The following MYO18B variants were observed in gnomAD, a reference collection of about 807,000 sequenced individuals.
MYO18B encodes unconventional myosin-XVIIIb.
In MYO18B, 204 loss-of-function variants were observed where a neutral mutation model predicts 273.0. That is an observed-to-expected ratio of 0.75 (90% CI 0.67 to 0.84). The LOEUF (loss-of-function observed/expected upper bound fraction) is 0.84, where lower values mean the gene tolerates loss of function less well. MYO18B is among the 40% of genes least tolerant of loss of function. MYO18B has a pLI of 0.00. For synonymous variants in MYO18B, 1,330 were observed against 1,305.7 expected, an observed-to-expected ratio of 1.02 and a Z score of -0.40; for missense variants, 3,212 against 3,287.6, an observed-to-expected ratio of 0.98 and a Z score of 0.56.
In MYO18B at chr22:26,003,229, C is replaced by T. The variant is rs375455701; in HGVS notation, c.6288-36C>T. On this transcript the variant is annotated intron_variant, in intron 40 of 43. Coordinates refer to ENST00000335473, the MANE Select transcript of MYO18B (RefSeq NM_032608.7). Reference sequence around the variant, plus strand: ...CCATGCTTCCAAGCCCCTGGCAGCACGAGGATAACACACTCTTTCTTGTGC... The same window carrying T: ...CCATGCTTCCAAGCCCCTGGCAGCATGAGGATAACACACTCTTTCTTGTGC... 749 of 1,585,156 alleles carry T rather than the reference C, an allele frequency of 4.7e-4. 10 individuals carry two copies. In the South Asian group the frequency reaches 6.2e-3, roughly 13 times the overall value.
intron 25 of MYO18B, among the ~76,000 whole-genome samples, chr22:25,886,758 A>C (rs916069449): frequency 2.0e-5 from 3 of 152,092 alleles, no homozygotes; most frequent in Non-Finnish European, 4.4e-5. Flanking sequence ...GTGGGACAGA[A>C]AATAGTGGGG....
intron 22 of MYO18B, among the ~76,000 whole-genome samples, chr22:25,873,346 G>C (rs1301169414): frequency 6.6e-6 from 1 of 152,186 alleles, no homozygotes; most frequent in Non-Finnish European, 1.5e-5. Context: ...CTCTGTGGGT[G>C]GCACCAGCCC....
chr22:25,963,070 C>T (rs1188467306), intron 39 of MYO18B, among the ~76,000 whole-genome samples: 1 of 151,732 alleles, frequency 6.6e-6, no homozygotes, highest in African/African-American at 2.4e-5. Flanking sequence ...CTTCCTTATT[C>T]TTCCTTAGTT....
In MYO18B at chr22:25,903,664, C is replaced by T; in HGVS notation, c.4981C>T (p.Gln1661Ter). The part of the protein sequence containing the change: ...KEQEASQLKQ[Q>*]VEMLQDHKRE... ...GCAGGAAGCCTCACAGCTGAAGCAG[C>T]AGGTGGAGATGCTACAGGACCATAA... The change falls in exon 31 of 44, where the codon CAG (glutamine) becomes TAG (stop). Residue 1661 changes from glutamine (Q) to a stop codon, truncating the protein, a stop_gained. Coordinates refer to ENST00000335473, the MANE Select transcript of MYO18B (RefSeq NM_032608.7). LOFTEE classifies it high-confidence loss of function. 1 of 1,609,438 alleles carries T rather than the reference C, an allele frequency of 6.2e-7. No individual in the cohort carries two copies. Among genetic ancestry groups the T allele is most frequent in the Non-Finnish European group, 8.5e-7 (1 of 1,177,878 alleles).
At chr22:25,906,342 A>G (rs1299773236) in intron 31 of MYO18B, among the ~76,000 whole-genome samples, 1 of 152,192 alleles carries the variant, frequency 6.6e-6, no homozygotes. Context: ...TTATCTTCCC[A>G]CAACCCCTGT....
intron 16 of MYO18B, 38 bp from the exon 17 acceptor site, chr22:25,835,257 GT>G: frequency 6.2e-7 from 1 of 1,601,030 alleles, no homozygotes; most frequent in South Asian, 1.1e-5. Flanking sequence ...CTTCTGATGG[GT>G]ATCAGGGCCC....
intron 1 of MYO18B, among the ~76,000 whole-genome samples, chr22:25,747,764 C>T (rs566657264): frequency 1.8e-4 from 28 of 152,290 alleles, no homozygotes; most frequent in Middle Eastern, 3.4e-3. Flanking sequence ...CTGAGTCAAC[C>T]GGGGACATAG....
intron 40 of MYO18B, among the ~76,000 whole-genome samples, chr22:25,994,552 T>C (rs1933028927): frequency 6.6e-6 from 1 of 152,234 alleles, no homozygotes; most frequent in Admixed American, 6.5e-5. Context: ...ATTCAATTTG[T>C]GCAAAAGTGG....
At chr22:25,795,192 A>C (rs1328753401) in intron 11 of MYO18B, among the ~76,000 whole-genome samples, 1 of 152,078 alleles carries the variant, frequency 6.6e-6, no homozygotes, top group Non-Finnish European at 1.5e-5. Context: ...TTGTCAGTTG[A>C]CTTATTCTGT....
At chr22:25,840,263 C>T (rs564226538) in intron 17 of MYO18B, among the ~76,000 whole-genome samples, 2 of 152,372 alleles carry the variant, frequency 1.3e-5, no homozygotes, top group African/African-American at 4.8e-5. Context: ...CACCATCACA[C>T]AGCTCTCTTT....
chr22:25,873,917 A>ATGCTAGCTGTGCTTCTCAAAGGAACG (rs1569136899), intron 22 of MYO18B, among the ~76,000 whole-genome samples: 5 of 152,324 alleles, frequency 3.3e-5, no homozygotes, highest in African/African-American at 1.2e-4. Flanking sequence ...AGGCAAGTCC[A>ATGCTAGCTGTGCTTCTCAAAGGAACG]TGCTAGCTGT....
At chr22:25,857,109 T>C (rs1329917579) in intron 21 of MYO18B, among the ~76,000 whole-genome samples, 1 of 152,132 alleles carries the variant, frequency 6.6e-6, no homozygotes, top group Non-Finnish European at 1.5e-5. Context: ...GGCTACCTCC[T>C]CTGGTTAGAT....
At chr22:25,862,238 C>G (rs2090759017) in intron 21 of MYO18B, among the ~76,000 whole-genome samples, 1 of 152,100 alleles carries the variant, frequency 6.6e-6, no homozygotes, top group Non-Finnish European at 1.5e-5. Context: ...GTCCTGGAAC[C>G]AATTCTCCAT....
chr22:25,993,219 C>G (rs2146855191), intron 40 of MYO18B, among the ~76,000 whole-genome samples: 1 of 152,186 alleles, frequency 6.6e-6, no homozygotes, highest in East Asian at 1.9e-4. Context: ...GCACATGGGT[C>G]CAGGCTGTCC....
At chr22:26,020,052 A>G (rs931206656) in intron 42 of MYO18B, among the ~76,000 whole-genome samples, 10 of 152,088 alleles carry the variant, frequency 6.6e-5, no homozygotes, top group Non-Finnish European at 1.3e-4. Context: ...TGGGATTCAG[A>G]TCTGGCCCAC....
chr22:25,836,150 G>A (rs961406255), intron 17 of MYO18B, among the ~76,000 whole-genome samples: 2 of 152,118 alleles, frequency 1.3e-5, no homozygotes, highest in African/African-American at 2.4e-5. Flanking sequence ...AGATGAAGGC[G>A]TGAAACCAGA....
At chr22:25,834,641 C>A (rs2089832679) in intron 16 of MYO18B, among the ~76,000 whole-genome samples, 1 of 152,212 alleles carries the variant, frequency 6.6e-6, no homozygotes, top group South Asian at 2.1e-4. Context: ...GTTGTGCCAA[C>A]TCCTTATGGG....
intron 42 of MYO18B, among the ~76,000 whole-genome samples, chr22:26,022,658 G>A (rs184763213): frequency 6.3e-4 from 96 of 152,286 alleles, no homozygotes; most frequent in Middle Eastern, 6.8e-3. Context: ...ACACTACGTG[G>A]CTTGTATTCC....
chr22:26,008,992 A>G (rs1487656581), intron 42 of MYO18B, among the ~76,000 whole-genome samples: 1 of 152,188 alleles, frequency 6.6e-6, no homozygotes, highest in Non-Finnish European at 1.5e-5. Context: ...TGCAAGGTCC[A>G]CATGCTGACA....
Sources: allele counts gnomAD v4.1 joint callset (sites outside exome capture counted in the v4.1 genomes callset), GRCh38; gene constraint gnomAD v4.1.1; transcripts MANE v1.5; gene names NCBI Gene and HGNC (gene_info 2026-07-23, HGNC 2026-07-21).